Variants in EEFSEC observed in about 807,000 individuals in gnomAD.
The protein encoded by EEFSEC is eukaryotic elongation factor, selenocysteine-tRNA specific.
EEFSEC carries 43 observed loss-of-function variants against 42.1 expected under a neutral mutation model. That is an observed-to-expected ratio of 1.02 (90% confidence interval 0.80 to 1.32). EEFSEC has a LOEUF of 1.32. Ranked by LOEUF, EEFSEC falls within the 40% of genes most tolerant of loss-of-function variation. The pLI is 0.00. For missense variants in EEFSEC, 745 were observed against 803.6 expected (o/e 0.93, Z 0.88); for synonymous variants, 354 against 339.1 (o/e 1.04, Z -0.48).
At chr3:128,254,034 A>T (rs1208865129) in intron 2 of EEFSEC, among the ~76,000 whole-genome samples, 1 of 152,186 alleles carries the variant, frequency 6.6e-6, no homozygotes, top group African/African-American at 2.4e-5. Flanking sequence ...ATGAGGTTTT[A>T]AAGGCCAGTT....
rs538517428 is a variant in EEFSEC at position 128,374,280 on chromosome 3, G to A, written c.1600+15907G>A. Among the ~76,000 whole-genome samples the A allele has an allele frequency of 3.9e-5, 6 of 152,332 alleles. No individual in the cohort carries two copies. In the South Asian group the frequency reaches 1.2e-3, roughly 32 times the overall value. On this transcript the variant is annotated intron_variant, in intron 6 of 6. Transcript: ENST00000254730. ...CCTTGGGGCTTCCTCAGAGGCTGCT[G>A]TTCATGTTTTCCCCTCGCCTCCAAG...
intron 6 of EEFSEC, among the ~76,000 whole-genome samples, chr3:128,385,947 G>A (rs1303730931): frequency 1.3e-5 from 2 of 152,376 alleles, no homozygotes; most frequent in African/African-American, 2.4e-5. Flanking sequence ...CACCCTGGGC[G>A]TGTGCAGGAT....
chr3:128,380,622 C>T (rs2107613886), intron 6 of EEFSEC, among the ~76,000 whole-genome samples: 2 of 152,356 alleles, frequency 1.3e-5, no homozygotes, highest in Admixed American at 1.3e-4. Context: ...CTTGGTTTCA[C>T]ACTGACCCAG....
At chr3:128,193,924 T>A (rs553113872) in intron 1 of EEFSEC, among the ~76,000 whole-genome samples, 47 of 152,352 alleles carry the variant, frequency 3.1e-4, no homozygotes, top group African/African-American at 1.1e-3. Flanking sequence ...TAAGTGAGAA[T>A]GAGCCATGAA....
At chr3:128,250,248 C>G (rs1287482769) in intron 2 of EEFSEC, among the ~76,000 whole-genome samples, 1 of 152,006 alleles carries the variant, frequency 6.6e-6, no homozygotes. Context: ...CACAAAACTT[C>G]CTAATTTGGA....
intron 4 of EEFSEC, among the ~76,000 whole-genome samples, chr3:128,316,603 C>T (rs1329078724): frequency 6.6e-6 from 1 of 152,172 alleles, no homozygotes; most frequent in Non-Finnish European, 1.5e-5. Context: ...TCTGAATTTC[C>T]GGAGGACTGT....
chr3:128,321,531 C>T (rs1391943477), intron 4 of EEFSEC, among the ~76,000 whole-genome samples: 3 of 152,138 alleles, frequency 2.0e-5, no homozygotes, highest in African/African-American at 7.2e-5. Context: ...GGGGTGCATC[C>T]TGCTAGCTAG....
intron 6 of EEFSEC, among the ~76,000 whole-genome samples, chr3:128,397,857 C>T (rs1255974540): frequency 2.6e-5 from 4 of 152,290 alleles, no homozygotes; most frequent in African/African-American, 9.6e-5. Context: ...CTACTGATTC[C>T]TCCTCCTAGT....
At chr3:128,320,200 C>T (rs994067077) in intron 4 of EEFSEC, among the ~76,000 whole-genome samples, 6 of 152,214 alleles carry the variant, frequency 3.9e-5, no homozygotes, top group East Asian at 1.9e-4. Context: ...CTTGTTGCCC[C>T]CTGGCTTGTA....
rs771533469 is a variant in EEFSEC, at chr3:128,262,150, C to T, written c.547C>T (p.Pro183Ser). ...NTKFRGAPII[P>S]VAAKPGGPEA... ...CAGGTTCCGAGGTGCACCGATTATA[C>T]CCGTGGCGGCCAAGCCGGGGGGACC... The change falls in exon 3 of 7, where the codon CCC becomes TCC. Residue 183 changes from proline (P) to serine (S), a missense_variant. Pro to Ser is a moderately conservative substitution (Grantham distance 74, BLOSUM62 -1). Transcript: ENST00000254730. 1 of 1,614,142 alleles carries T rather than the reference C, an allele frequency of 6.2e-7. No homozygotes were observed. The highest frequency in any genetic ancestry group is 8.5e-7 in the Non-Finnish European group (1 of 1,180,018).
chr3:128,424,722 G>A, the EEFSEC span, among the ~76,000 whole-genome samples: 5 of 152,112 alleles, frequency 3.3e-5, no homozygotes, highest in East Asian at 1.9e-4. Flanking sequence ...TCAAACATAC[G>A]AAAAGTGCGC....
chr3:128,276,085 C>T (rs1405122373), intron 4 of EEFSEC, among the ~76,000 whole-genome samples: 1 of 152,206 alleles, frequency 6.6e-6, no homozygotes, highest in African/African-American at 2.4e-5. Flanking sequence ...TTTCCCCAGG[C>T]CCCTTCTTGG....
At chr3:128,360,057 C>A (rs1326157442) in intron 6 of EEFSEC, among the ~76,000 whole-genome samples, 1 of 152,222 alleles carries the variant, frequency 6.6e-6, no homozygotes, top group Admixed American at 6.5e-5. Flanking sequence ...TGTTAGCAGC[C>A]CCTAAGGCCT....
At chr3:128,237,297 G>C (rs2107879069) in intron 1 of EEFSEC, among the ~76,000 whole-genome samples, 1 of 151,596 alleles carries the variant, frequency 6.6e-6, no homozygotes, top group South Asian at 2.1e-4. Flanking sequence ...TTATTCTGTG[G>C]GTTTTGTATC....
At chr3:128,421,351 G>A in the EEFSEC span, among the ~76,000 whole-genome samples, 2 of 152,222 alleles carry the variant, frequency 1.3e-5, no homozygotes, top group African/African-American at 2.4e-5. Context: ...GGGGTCAGGT[G>A]TGAACAGGGG....
chr3:128,181,520 G>T (rs1420357318), intron 1 of EEFSEC, among the ~76,000 whole-genome samples: 1 of 152,220 alleles, frequency 6.6e-6, no homozygotes, highest in African/African-American at 2.4e-5. Flanking sequence ...AAACAAAAGA[G>T]AAGCGGTGAT....
At chr3:128,194,989 C>T (rs369930226) in intron 1 of EEFSEC, among the ~76,000 whole-genome samples, 13 of 152,348 alleles carry the variant, frequency 8.5e-5, no homozygotes, top group African/African-American at 2.4e-4. Flanking sequence ...CCTCCCTCCT[C>T]GCTCCTCCTT....
the EEFSEC span, among the ~76,000 whole-genome samples, chr3:128,424,697 T>A: frequency 6.6e-6 from 1 of 152,186 alleles, no homozygotes; most frequent in Non-Finnish European, 1.5e-5. Context: ...TTATCATTTT[T>A]ATTAAGGAAA....
intron 4 of EEFSEC, among the ~76,000 whole-genome samples, chr3:128,301,103 C>G (rs1168509015): frequency 6.6e-6 from 1 of 152,208 alleles, no homozygotes; most frequent in African/African-American, 2.4e-5. Flanking sequence ...TGGTTATTTG[C>G]ACTCTCCAGC....
Sources: gnomAD v4.1 joint callset for allele counts (sites outside exome capture counted in the v4.1 genomes callset) on GRCh38, gnomAD v4.1.1 for gene constraint, MANE v1.5 for transcripts, NCBI Gene and HGNC (gene_info 2026-07-23, HGNC 2026-07-21) for gene names.